The following ERBB4 variants were observed in gnomAD, a reference collection of about 807,000 sequenced individuals.
ERBB4 encodes erb-b2 receptor tyrosine kinase 4.
ERBB4 carries 42 observed loss-of-function variants against 158.0 expected under a neutral mutation model. The observed-to-expected ratio is 0.27, with a 90% CI of 0.21 to 0.34. The LOEUF is 0.34. Ranked by LOEUF, ERBB4 falls within the 10% of genes least tolerant of loss-of-function variation. ERBB4 has a pLI of 1.00. For missense variants in ERBB4, 1,333 were observed against 1,624.1 expected (o/e 0.82, Z 3.08); for synonymous variants, 583 against 558.7 (o/e 1.04, Z -0.61).
At chr2:212,290,689 C>T (rs930808874) in intron 1 of ERBB4, among the ~76,000 whole-genome samples, 1 of 151,900 alleles carries the variant, frequency 6.6e-6, no homozygotes, top group Non-Finnish European at 1.5e-5. Context: ...TGCGTGTGTG[C>T]ACGTACACAT....
intron 1 of ERBB4, among the ~76,000 whole-genome samples, chr2:212,518,146 C>A (rs1157823089): frequency 6.6e-6 from 1 of 151,880 alleles, no homozygotes; most frequent in African/African-American, 2.4e-5. Context: ...TTAATTTGAC[C>A]ATAAATCAGT....
chr2:211,942,497 C>G (rs1296613643), intron 3 of ERBB4, among the ~76,000 whole-genome samples: 1 of 152,018 alleles, frequency 6.6e-6, no homozygotes, highest in East Asian at 1.9e-4. Context: ...GCTGGGACCG[C>G]AGGCATGTGC....
chr2:212,467,532 A>G (rs1688899111), intron 1 of ERBB4, among the ~76,000 whole-genome samples: 1 of 152,222 alleles, frequency 6.6e-6, no homozygotes, highest in Non-Finnish European at 1.5e-5. Flanking sequence ...GGCAGCTTCC[A>G]TGTGATGTTG....
intron 3 of ERBB4, among the ~76,000 whole-genome samples, chr2:211,907,020 C>T (rs1192369057): frequency 6.6e-6 from 1 of 151,524 alleles, no homozygotes; most frequent in Non-Finnish European, 1.5e-5. Flanking sequence ...TTCTTCTGAC[C>T]TTTTTTCCAT....
At chr2:212,255,396 T>G (rs1416122119) in intron 1 of ERBB4, among the ~76,000 whole-genome samples, 1 of 152,196 alleles carries the variant, frequency 6.6e-6, no homozygotes, top group Non-Finnish European at 1.5e-5. Flanking sequence ...AATATTATAC[T>G]ACAAGGGCAC....
chr2:212,066,173 G>C (rs1364951308), intron 2 of ERBB4, among the ~76,000 whole-genome samples: 1 of 151,856 alleles, frequency 6.6e-6, no homozygotes, highest in Non-Finnish European at 1.5e-5. Flanking sequence ...AGCAACAGGA[G>C]TAAATTTAAA....
chr2:211,793,356 T>G (rs1160016027), intron 3 of ERBB4, among the ~76,000 whole-genome samples: 2 of 151,826 alleles, frequency 1.3e-5, no homozygotes, highest in African/African-American at 4.8e-5. Flanking sequence ...TTTGCAGGGG[T>G]GCATCTACAG....
At chr2:212,449,573 A>G (rs1421114184) in intron 1 of ERBB4, among the ~76,000 whole-genome samples, 2 of 152,038 alleles carry the variant, frequency 1.3e-5, no homozygotes, top group African/African-American at 4.8e-5. Flanking sequence ...ATTTTTTCCA[A>G]TCTGGTTTGA....
chr2:211,546,610 T>C (rs1360997750), intron 20 of ERBB4, among the ~76,000 whole-genome samples: 2 of 152,136 alleles, frequency 1.3e-5, no homozygotes, highest in African/African-American at 4.8e-5. Flanking sequence ...GGTGTACAAG[T>C]AGGAATTTAG....
chr2:211,646,166 C>T (rs1450034755), intron 16 of ERBB4, among the ~76,000 whole-genome samples: 3 of 151,196 alleles, frequency 2.0e-5, no homozygotes, highest in East Asian at 1.9e-4. Context: ...CCCTTATTAT[C>T]GTATATATGT....
intron 1 of ERBB4, among the ~76,000 whole-genome samples, chr2:212,335,349 G>C (rs115585740): frequency 0.028 from 4,229 of 151,884 alleles, 81 homozygotes; most frequent in South Asian, 0.071. Flanking sequence ...ACAGATTTCT[G>C]ATTTTACTCA....
intron 1 of ERBB4, among the ~76,000 whole-genome samples, chr2:212,489,518 A>T (rs1251744162): frequency 6.6e-6 from 1 of 152,002 alleles, no homozygotes; most frequent in Non-Finnish European, 1.5e-5. Flanking sequence ...TCAGAAATGA[A>T]GTATTAAGTA....
chr2:212,473,940 G>T (rs6435706), intron 1 of ERBB4, among the ~76,000 whole-genome samples: 2 of 151,672 alleles, frequency 1.3e-5, no homozygotes, highest in African/African-American at 4.8e-5. Context: ...ATCCTGAATA[G>T]GAAAAAAGGT....
intron 3 of ERBB4, among the ~76,000 whole-genome samples, chr2:211,891,785 A>G (rs369456572): frequency 2.9e-5 from 4 of 137,286 alleles, no homozygotes; most frequent in African/African-American, 8.8e-5. Context: ...ACACCTCTAC[A>G]CAAATAAACT....
intron 19 of ERBB4, among the ~76,000 whole-genome samples, chr2:211,597,513 T>C (rs1468128615): frequency 6.6e-6 from 1 of 152,122 alleles, no homozygotes; most frequent in Non-Finnish European, 1.5e-5. Flanking sequence ...GTCCAAAATT[T>C]ATCAAGTAAA....
At chr2:212,239,196 C>G (rs2083992223) in intron 1 of ERBB4, among the ~76,000 whole-genome samples, 1 of 152,140 alleles carries the variant, frequency 6.6e-6, no homozygotes. Flanking sequence ...CAGGTGCATG[C>G]CATCATGCCT....
intron 1 of ERBB4, among the ~76,000 whole-genome samples, chr2:212,240,665 A>AAAAAAAAAAAAAAAAC (rs1559823350): frequency 2.4e-4 from 35 of 145,896 alleles, no homozygotes; most frequent in African/African-American, 9.2e-4. Context: ...AAAAAAAAAA[A>AAAAAAAAAAAAAAAAC]AACAGAAAAA....
intron 1 of ERBB4, among the ~76,000 whole-genome samples, chr2:212,274,993 G>C (rs1017913382): frequency 2.6e-5 from 4 of 151,706 alleles, no homozygotes; most frequent in Non-Finnish European, 5.9e-5. Context: ...TCATTGTTCA[G>C]CTCCCACTTA....
At position 211,383,560 on chromosome 2, in the gene ERBB4, G is replaced by C. The variant is rs1320464145; in HGVS notation, c.*55C>G. The C allele has an allele frequency of 2.5e-5, 36 of 1,432,396 alleles. No homozygotes were observed. Among genetic ancestry groups the C allele is most frequent in the South Asian group, 2.4e-4 (21 of 86,726 alleles). The allele number at this position is 1,432,396 out of a possible 1,614,324, so 88.7% of individuals were successfully genotyped here. On this transcript the variant is annotated 3_prime_UTR_variant, in exon 28 of 28. Transcript: ENST00000342788. ...AGGAAGACCACCAGAGAAAGAGAGG[G>C]GGGTGGGGAAATTGGAGCAGGTGTG...
Sources: allele counts gnomAD v4.1 joint callset (sites outside exome capture counted in the v4.1 genomes callset), GRCh38; gene constraint gnomAD v4.1.1; transcripts MANE v1.5; gene names NCBI Gene and HGNC (gene_info 2026-07-23, HGNC 2026-07-21).